Variants in MAP2K6 observed in about 807,000 individuals in gnomAD.
MAP2K6 encodes mitogen-activated protein kinase kinase 6, also known as dual specificity mitogen-activated protein kinase kinase 6.
A neutral mutation model predicts 53.7 loss-of-function variants in MAP2K6; 16 were observed. The observed-to-expected ratio is 0.30, with a 90% confidence interval of 0.20 to 0.45. The LOEUF is 0.45. MAP2K6 is among the 20% of genes least tolerant of loss of function. The probability of loss-of-function intolerance (pLI) is 1.00; values close to 1 mark genes in which losing one functional copy is unlikely to be tolerated. For missense variants in MAP2K6, 204 were observed against 411.9 expected, an observed-to-expected ratio of 0.50 and a Z score of 4.37; for synonymous variants, 132 against 143.1, an observed-to-expected ratio of 0.92 and a Z score of 0.55.
intron 2 of MAP2K6, among the ~76,000 whole-genome samples, chr17:69,511,505 T>C (rs1316076382): frequency 1.3e-5 from 2 of 152,226 alleles, no homozygotes; most frequent in East Asian, 3.8e-4. Flanking sequence ...GAGCTACCGA[T>C]GCCAGTGTGA....
At chr17:69,504,023 A>G (rs1598294800) in intron 1 of MAP2K6, among the ~76,000 whole-genome samples, 1 of 152,118 alleles carries the variant, frequency 6.6e-6, no homozygotes, top group East Asian at 1.9e-4. Flanking sequence ...CTATTGCAGG[A>G]TAGTAGAAAG....
At chr17:69,512,328 G>GCTTTTT (rs1909867833) in intron 2 of MAP2K6, among the ~76,000 whole-genome samples, 5 of 75,184 alleles carry the variant, frequency 6.7e-5, no homozygotes, top group Non-Finnish European at 1.3e-4. Flanking sequence ...CTTTCTAAGT[G>GCTTTTT]TTTTTTTTTT....
rs1231234654 is a variant in MAP2K6 at position 69,521,079 on chromosome 17, A to G, written c.514A>G (p.Lys172Glu). The G allele has an allele frequency of 1.2e-6, 2 of 1,610,234 alleles. No homozygotes were observed. The highest frequency in any genetic ancestry group is 8.5e-7 in the Non-Finnish European group (1 of 1,178,202). The change falls in exon 7 of 12, where the codon AAG becomes GAG. Residue 172 changes from lysine (K) to glutamate (E), a missense_variant. By Grantham distance (56) the Lys-to-Glu change is moderately conservative. Coordinates refer to ENST00000590474, the MANE Select transcript of MAP2K6 (RefSeq NM_002758.4). The stretch of plus-strand genomic sequence containing the variant: ...AAAAGCATTAGAACATTTACATAGT[A>G]AGCTGTCTGTCATTCACAGAGGTAA... ...IVKALEHLHS[K>E]LSVIHRDVKP...
intron 1 of MAP2K6, among the ~76,000 whole-genome samples, chr17:69,484,480 A>G (rs748375430): frequency 5.9e-5 from 9 of 152,090 alleles, no homozygotes; most frequent in Non-Finnish European, 1.3e-4. Flanking sequence ...GCTGATGGGA[A>G]CGTAACATGG....
chr17:69,527,165 A>T (rs1221841936), intron 10 of MAP2K6, among the ~76,000 whole-genome samples: 1 of 152,256 alleles, frequency 6.6e-6, no homozygotes, highest in Non-Finnish European at 1.5e-5. Flanking sequence ...TTTGATGTTG[A>T]TTAAAGCATA....
intron 10 of MAP2K6, 110 bp downstream of exon 10, chr17:69,526,819 T>A: frequency 7.6e-7 from 1 of 1,314,770 alleles, no homozygotes; most frequent in Non-Finnish European, 1.0e-6. Flanking sequence ...CCGAAAGCAT[T>A]TGTGGAGTAT....
At chr17:69,458,508 T>C (rs1259884758) in intron 1 of MAP2K6, among the ~76,000 whole-genome samples, 1 of 152,206 alleles carries the variant, frequency 6.6e-6, no homozygotes, top group African/African-American at 2.4e-5. Context: ...ATTTTAACTC[T>C]TTAGTTGTCT....
chr17:69,532,130 A>G (rs1468426817), intron 10 of MAP2K6, among the ~76,000 whole-genome samples: 2 of 152,210 alleles, frequency 1.3e-5, no homozygotes, highest in Non-Finnish European at 2.9e-5. Flanking sequence ...CCACTCAAGC[A>G]TCAATATTGT....
intron 1 of MAP2K6, among the ~76,000 whole-genome samples, chr17:69,444,470 G>A (rs1267434994): frequency 1.3e-5 from 2 of 152,210 alleles, no homozygotes; most frequent in Non-Finnish European, 2.9e-5. Context: ...AGAATCAGAA[G>A]CAATCCAGCT....
intron 2 of MAP2K6, among the ~76,000 whole-genome samples, chr17:69,511,465 G>T (rs1313726582): frequency 1.3e-5 from 2 of 152,308 alleles, no homozygotes; most frequent in East Asian, 3.9e-4. Flanking sequence ...AGTTCAACGT[G>T]TGTGGCCCCT....
intron 1 of MAP2K6, among the ~76,000 whole-genome samples, chr17:69,416,272 G>A (rs1905896909): frequency 6.6e-6 from 1 of 152,130 alleles, no homozygotes; most frequent in African/African-American, 2.4e-5. Flanking sequence ...GCCCAAGAAG[G>A]AAGTAGTAAT....
At chr17:69,472,477 A>G (rs1908012099) in intron 1 of MAP2K6, among the ~76,000 whole-genome samples, 2 of 151,976 alleles carry the variant, frequency 1.3e-5, no homozygotes, top group African/African-American at 2.4e-5. Flanking sequence ...TGCAAGGGTA[A>G]CCTCTGGGCA....
intron 1 of MAP2K6, among the ~76,000 whole-genome samples, chr17:69,440,030 A>G (rs1182272460): frequency 1.3e-5 from 2 of 152,174 alleles, no homozygotes; most frequent in Non-Finnish European, 2.9e-5. Context: ...AAGAATCTGA[A>G]TAGAGACTTG....
rs528908937 is a variant in MAP2K6 at position 69,526,722 on chromosome 17, C to T, written c.881+13C>T. ...TTACCTCACAGTGGTAAGACAGCCT[C>T]ACCTCCCAAGTGTCAGTGTGAAAGA... On this transcript the variant is annotated intron_variant, in intron 10 of 11. Coordinates refer to ENST00000590474, the MANE Select transcript of MAP2K6 (RefSeq NM_002758.4). 124 of 1,609,624 alleles carry T rather than the reference C, an allele frequency of 7.7e-5. 1 individual carries two copies. The South Asian group carries it at 1.2e-3, about 16-fold the overall frequency.
chr17:69,435,057 T>C (rs1019852686), intron 1 of MAP2K6: 2 of 152,216 alleles, frequency 1.3e-5, no homozygotes, highest in African/African-American at 4.8e-5. Context: ...CTCAAGGATA[T>C]CATCCATGCT....
At chr17:69,454,366 C>T (rs1254673451) in intron 1 of MAP2K6, among the ~76,000 whole-genome samples, 1 of 152,088 alleles carries the variant, frequency 6.6e-6, no homozygotes, top group Non-Finnish European at 1.5e-5. Flanking sequence ...ATCATGGGTG[C>T]ATACATAAAT....
chr17:69,519,726 C>T (rs950101623), intron 5 of MAP2K6: 2 of 315,258 alleles, frequency 6.3e-6, no homozygotes, highest in Admixed American at 9.7e-5. Flanking sequence ...TTGCTTAGAT[C>T]TCTTATAATT....
chr17:69,516,212 G>T (rs1265979360), intron 2 of MAP2K6, among the ~76,000 whole-genome samples: 1 of 151,838 alleles, frequency 6.6e-6, no homozygotes, highest in Non-Finnish European at 1.5e-5. Context: ...TTGTTATCCT[G>T]CAACTAGATG....
intron 1 of MAP2K6, among the ~76,000 whole-genome samples, chr17:69,415,530 T>C (rs1567810426): frequency 6.6e-6 from 1 of 152,166 alleles, no homozygotes; most frequent in African/African-American, 2.4e-5. Flanking sequence ...TAGGTAACTT[T>C]TGATTTTTAA....
Sources: gnomAD v4.1 joint callset for allele counts (sites outside exome capture counted in the v4.1 genomes callset) on GRCh38, gnomAD v4.1.1 for gene constraint, MANE v1.5 for transcripts, NCBI Gene and HGNC (gene_info 2026-07-23, HGNC 2026-07-21) for gene names.